KCNN2: variants seen among roughly 807,000 people sequenced by gnomAD.
KCNN2 encodes small conductance calcium-activated potassium channel protein 2.
Under a neutral mutation model 55.5 loss-of-function variants are expected in KCNN2, and 24 were observed. The ratio of observed to expected loss-of-function variants is 0.43; its 90% confidence interval spans 0.31 to 0.61. The LOEUF (loss-of-function observed/expected upper bound fraction) is 0.61, where lower values mean the gene tolerates loss of function less well. Among genes scored for constraint, KCNN2 ranks in the 20% least tolerant of loss-of-function variants. The pLI is 0.08. For synonymous variants in KCNN2, 431 were observed against 336.1 expected, an observed-to-expected ratio of 1.28 and a Z score of -3.09; for missense variants, 754 against 853.6, an observed-to-expected ratio of 0.88 and a Z score of 1.45.
At chr5:114,096,375 C>T (rs146685196) in intron 1 of KCNN2, among the ~76,000 whole-genome samples, 1 of 152,128 alleles carries the variant, frequency 6.6e-6, no homozygotes, top group Non-Finnish European at 1.5e-5. Flanking sequence ...CACTGGATCC[C>T]TGGCTTATTT....
chr5:114,155,724 ATGGGGTTATT>A (rs975760759), intron 1 of KCNN2, among the ~76,000 whole-genome samples: 106 of 152,172 alleles, frequency 7.0e-4, no homozygotes, highest in African/African-American at 2.3e-3. Context: ...CCACTTTTTA[ATGGGGTTATT>A]TGTTCTTGTA....
chr5:114,253,779 T>G (rs1754927856), intron 2 of KCNN2: 1 of 152,208 alleles, frequency 6.6e-6, no homozygotes, highest in South Asian at 2.1e-4. Context: ...TTTGTTCCAT[T>G]TCTACCTTTT....
chr5:114,493,705 A>C (rs73247849), intron 7 of KCNN2, among the ~76,000 whole-genome samples: 9,463 of 152,196 alleles, frequency 0.062, 920 homozygotes, highest in African/African-American at 0.22. Flanking sequence ...TCCTAGTTAC[A>C]GTGATTTGGA....
At chr5:114,088,586 C>A (rs561098129) in intron 1 of KCNN2, among the ~76,000 whole-genome samples, 1 of 151,786 alleles carries the variant, frequency 6.6e-6, no homozygotes, top group Non-Finnish European at 1.5e-5. Context: ...TTAAGCTCAT[C>A]GAGTGTATTT....
At chr5:114,073,754 C>T (rs1010471649) in intron 1 of KCNN2, among the ~76,000 whole-genome samples, 1 of 152,158 alleles carries the variant, frequency 6.6e-6, no homozygotes, top group African/African-American at 2.4e-5. Context: ...GTGCCTGATC[C>T]ACAGCAGATG....
intron 2 of KCNN2, among the ~76,000 whole-genome samples, chr5:114,240,581 G>A (rs1038826560): frequency 1.3e-5 from 2 of 151,890 alleles, no homozygotes; most frequent in South Asian, 2.1e-4. Context: ...ACAGGTGCAC[G>A]TCACCATGCC....
intron 2 of KCNN2, among the ~76,000 whole-genome samples, chr5:114,264,769 G>GC (rs1161187401): frequency 3.9e-5 from 6 of 152,184 alleles, no homozygotes; most frequent in South Asian, 2.1e-4. Context: ...CCTCACGAAT[G>GC]CCCCCCCAGG....
chr5:114,107,506 T>G (rs918792672), intron 1 of KCNN2, among the ~76,000 whole-genome samples: 4 of 151,982 alleles, frequency 2.6e-5, no homozygotes, highest in Non-Finnish European at 5.9e-5. Flanking sequence ...TACCTCAGCC[T>G]CCTGAATAGC....
intron 5 of KCNN2, among the ~76,000 whole-genome samples, chr5:114,485,875 G>C (rs1236705409): frequency 6.6e-6 from 1 of 152,138 alleles, no homozygotes; most frequent in Admixed American, 6.5e-5. Flanking sequence ...CTTTGCTAAA[G>C]TGAAAAATAT....
chr5:114,479,618 A>T (rs903418292), intron 5 of KCNN2, among the ~76,000 whole-genome samples: 17 of 152,200 alleles, frequency 1.1e-4, no homozygotes, highest in Admixed American at 1.0e-3. Context: ...AAAATTGGTG[A>T]CATAATCAGA....
chr5:114,091,892 A>T (rs932289081), intron 1 of KCNN2, among the ~76,000 whole-genome samples: 2 of 152,080 alleles, frequency 1.3e-5, no homozygotes, highest in Non-Finnish European at 2.9e-5. Context: ...GATTTTGGGG[A>T]TTATGGGGAT....
At chr5:114,346,551 C>T (rs76535839) in intron 2 of KCNN2, among the ~76,000 whole-genome samples, 5,428 of 152,132 alleles carry the variant, frequency 0.036, 140 homozygotes, top group South Asian at 0.061. Context: ...CAAAACTGAA[C>T]TCTGGTATTG....
At chr5:114,483,811 CTT>C (rs1364413313) in intron 5 of KCNN2, among the ~76,000 whole-genome samples, 1 of 151,568 alleles carries the variant, frequency 6.6e-6, no homozygotes, top group African/African-American at 2.4e-5. Context: ...CAGAAAATGA[CTT>C]TTATTTCATA....
In KCNN2 at chr5:114,300,386, C is replaced by T. The variant is rs75424321; in HGVS notation, c.-184-60559C>T. On this transcript the variant is annotated intron_variant, in intron 2 of 10. Transcript: ENST00000512097. Reference sequence around the variant, plus strand: ...TCCAGACCTTGTTTTAATTACAGAACGGCTTTAGAGTGAAATCATAATTAA... The same window carrying T: ...TCCAGACCTTGTTTTAATTACAGAATGGCTTTAGAGTGAAATCATAATTAA... 1.2e-3 allele frequency among the ~76,000 whole-genome samples: 186 copies of T among 152,156 alleles called. 1 individual carries two copies. Among genetic ancestry groups the T allele is most frequent in the African/African-American group, 3.7e-3 (153 of 41,494 alleles).
intron 2 of KCNN2, among the ~76,000 whole-genome samples, chr5:114,308,918 A>G (rs890706436): frequency 1.3e-5 from 2 of 152,234 alleles, no homozygotes; most frequent in African/African-American, 2.4e-5. Flanking sequence ...TATAATGTAT[A>G]GAAAACTTAT....
intron 2 of KCNN2, among the ~76,000 whole-genome samples, chr5:114,397,486 A>C (rs1758654898): frequency 1.3e-5 from 2 of 152,124 alleles, no homozygotes; most frequent in Admixed American, 6.5e-5. Context: ...TCCTGGGTTC[A>C]AGTGATTCTT....
chr5:114,465,965 G>T (rs556204039), intron 4 of KCNN2, among the ~76,000 whole-genome samples: 39 of 152,300 alleles, frequency 2.6e-4, no homozygotes, highest in African/African-American at 8.7e-4. Flanking sequence ...ACTTCTGGCA[G>T]TTGATTACAT....
intron 1 of KCNN2, among the ~76,000 whole-genome samples, chr5:114,081,094 G>T (rs1348263061): frequency 6.6e-6 from 1 of 152,052 alleles, no homozygotes; most frequent in Admixed American, 6.6e-5. Context: ...TAGGAATTAA[G>T]AAGTAAGGTG....
intron 2 of KCNN2, among the ~76,000 whole-genome samples, chr5:114,351,328 A>G (rs1379198397): frequency 2.0e-5 from 3 of 151,762 alleles, no homozygotes; most frequent in East Asian, 1.9e-4. Context: ...CCTGTTTATT[A>G]GTTCTAAGAG....
Sources: gnomAD v4.1 joint callset for allele counts (sites outside exome capture counted in the v4.1 genomes callset) on GRCh38, gnomAD v4.1.1 for gene constraint, MANE v1.5 for transcripts, NCBI Gene and HGNC (gene_info 2026-07-23, HGNC 2026-07-21) for gene names.